SUZ12: variants seen among roughly 807,000 people sequenced by gnomAD.
SUZ12 encodes the protein SUZ12 polycomb repressive complex 2 subunit, also known as polycomb protein SUZ12.
Under a neutral mutation model 87.3 loss-of-function variants are expected in SUZ12, and 17 were observed. The observed-to-expected ratio is 0.19, with a 90% CI of 0.13 to 0.29. The LOEUF is 0.29. Ranked by LOEUF, SUZ12 falls within the 10% of genes least tolerant of loss-of-function variation. The pLI is 1.00. For missense variants in SUZ12, 526 were observed against 912.2 expected (o/e 0.58, Z 5.45); for synonymous variants, 253 against 312.4 (o/e 0.81, Z 2.01).
At chr17:31,944,416 C>G (rs1248223486) in intron 3 of SUZ12, among the ~76,000 whole-genome samples, 1 of 152,240 alleles carries the variant, frequency 6.6e-6, no homozygotes, top group African/African-American at 2.4e-5. Flanking sequence ...GTGTGAAACA[C>G]CACGTCCTGC....
At chr17:31,966,405 T>C in intron 5 of SUZ12, 2 of 508,138 alleles carry the variant, frequency 3.9e-6, no homozygotes, top group South Asian at 4.9e-5. Context: ...TGGAGTGCAA[T>C]GTTATGATCT....
At chr17:31,974,703 T>TG (rs544900513) in intron 6 of SUZ12, among the ~76,000 whole-genome samples, 143 of 152,116 alleles carry the variant, frequency 9.4e-4, no homozygotes, top group African/African-American at 3.1e-3. Flanking sequence ...GCGTAAGACC[T>TG]GGGGGGGTGG....
intron 15 of SUZ12, among the ~76,000 whole-genome samples, chr17:31,998,020 T>C (rs1042746739): frequency 1.2e-4 from 19 of 152,008 alleles, no homozygotes; most frequent in Non-Finnish European, 2.6e-4. Context: ...GGAGGATCAC[T>C]TGAGTTGAGG....
chr17:31,954,668 A>G lies in SUZ12; in HGVS notation c.455+6983A>G, dbSNP rs59629544. 7.3e-3 allele frequency among the ~76,000 whole-genome samples: 1,112 copies of G among 152,296 alleles called. 11 individuals carry two copies. Among genetic ancestry groups the G allele is most frequent in the African/African-American group, 0.025 (1,058 of 41,566 alleles). On this transcript the variant is annotated intron_variant, in intron 4 of 15. Transcript: ENST00000322652. ...TAAGAAAACTGTGAGTGTATAAAAC[A>G]GGAGAACCAGCTTTCATTTGAGGTG... is the stretch of plus-strand genomic sequence containing the variant.
intron 9 of SUZ12, 45 bp downstream of exon 9, chr17:31,983,149 C>T: frequency 6.4e-7 from 1 of 1,550,568 alleles, no homozygotes; most frequent in Non-Finnish European, 8.7e-7. Context: ...TTATGAACTC[C>T]CATTTTTGAC....
chr17:31,963,094 T>TACAGA (rs1380256012), intron 4 of SUZ12, among the ~76,000 whole-genome samples: 106 of 152,302 alleles, frequency 7.0e-4, no homozygotes, highest in African/African-American at 2.4e-3. Context: ...GTTTATAATA[T>TACAGA]ATGAATTGCT....
chr17:31,998,538 GCTT>G (rs1910103583), intron 15 of SUZ12, 117 bp from the exon 16 acceptor site: 6 of 691,230 alleles, frequency 8.7e-6, no homozygotes, highest in East Asian at 3.1e-5. Flanking sequence ...TAGTTTTACT[GCTT>G]CTTTAATCAT....
intron 4 of SUZ12, among the ~76,000 whole-genome samples, chr17:31,952,738 T>G (rs1246986669): frequency 6.6e-6 from 1 of 151,934 alleles, no homozygotes; most frequent in East Asian, 1.9e-4. Context: ...ACTTTTTGCA[T>G]TTTTAGTAGA....
intron 1 of SUZ12, among the ~76,000 whole-genome samples, chr17:31,938,251 T>G (rs1906058026): frequency 6.6e-6 from 1 of 152,252 alleles, no homozygotes; most frequent in African/African-American, 2.4e-5. Context: ...TAGAATTTAT[T>G]AAAAACATCG....
At chr17:31,949,362 G>C (rs867070218) in intron 4 of SUZ12, among the ~76,000 whole-genome samples, 3 of 152,050 alleles carry the variant, frequency 2.0e-5, no homozygotes, top group Non-Finnish European at 2.9e-5. Context: ...AGAATTTTTT[G>C]AGTCTTTAGG....
At chr17:31,954,202 A>T (rs1907160880) in intron 4 of SUZ12, among the ~76,000 whole-genome samples, 1 of 152,028 alleles carries the variant, frequency 6.6e-6, no homozygotes, top group Non-Finnish European at 1.5e-5. Flanking sequence ...AGTTGGGATT[A>T]CAGGCACACA....
At chr17:31,980,157 C>T (rs1306397975) in intron 8 of SUZ12, among the ~76,000 whole-genome samples, 1 of 150,176 alleles carries the variant, frequency 6.7e-6, no homozygotes, top group Non-Finnish European at 1.5e-5. Context: ...GACCTCGTTC[C>T]TAAAAAGAAA....
intron 1 of SUZ12, among the ~76,000 whole-genome samples, chr17:31,939,026 A>G (rs1906111143): frequency 6.6e-6 from 1 of 152,196 alleles, no homozygotes; most frequent in South Asian, 2.1e-4. Flanking sequence ...CATTAATGTA[A>G]CTGATATAAT....
chr17:31,943,903 G>A (rs1906458030), intron 3 of SUZ12, among the ~76,000 whole-genome samples: 1 of 151,758 alleles, frequency 6.6e-6, no homozygotes, highest in South Asian at 2.1e-4. Context: ...TCACCATGTT[G>A]GTCAGGCTGG....
chr17:31,938,306 T>C (rs1423433991), intron 1 of SUZ12, among the ~76,000 whole-genome samples: 1 of 152,366 alleles, frequency 6.6e-6, no homozygotes, highest in East Asian at 1.9e-4. Flanking sequence ...TGTTATATCC[T>C]GATTGGTTCC....
At chr17:31,950,841 G>A (rs887377652) in intron 4 of SUZ12, among the ~76,000 whole-genome samples, 3 of 151,710 alleles carry the variant, frequency 2.0e-5, no homozygotes, top group Admixed American at 1.3e-4. Context: ...GTGCAGTGAC[G>A]CGATCTCAGC....
intron 9 of SUZ12, among the ~76,000 whole-genome samples, chr17:31,984,607 A>G (rs1251035596): frequency 6.6e-6 from 1 of 152,240 alleles, no homozygotes; most frequent in Non-Finnish European, 1.5e-5. Flanking sequence ...ATGAATACAT[A>G]ATATTGTGAA....
At chr17:31,981,736 C>G (rs1909122073) in intron 8 of SUZ12, among the ~76,000 whole-genome samples, 1 of 152,202 alleles carries the variant, frequency 6.6e-6, no homozygotes, top group Admixed American at 6.5e-5. Flanking sequence ...ACTTTAGAGA[C>G]AGACACCTGG....
In SUZ12 at chr17:31,999,397, A is replaced by T. The variant is rs748643898; in HGVS notation, c.*394A>T. ...CATTTTCTTGGGGAGGGAAAATTGG[A>T]ATGGTTCCCTTTTTTAGAAATTGAA... On this transcript the variant is annotated 3_prime_UTR_variant, in exon 16 of 16. Transcript: ENST00000322652. The T allele has an allele frequency of 1.6e-4, 38 of 232,840 alleles. No individual in the cohort carries two copies. The highest frequency in any genetic ancestry group is 2.9e-4 in the Non-Finnish European group (34 of 118,112). 14.4% of individuals were successfully genotyped at this position (232,840 alleles called of 1,614,324 possible).
Sources: gnomAD v4.1 joint callset for allele counts (sites outside exome capture counted in the v4.1 genomes callset) on GRCh38, gnomAD v4.1.1 for gene constraint, MANE v1.5 for transcripts, NCBI Gene and HGNC (gene_info 2026-07-23, HGNC 2026-07-21) for gene names.